AGAP1: variants seen among roughly 807,000 people sequenced by gnomAD.
AGAP1 encodes the protein arf-GAP with GTPase, ANK repeat and PH domain-containing protein 1.
AGAP1 carries 29 observed loss-of-function variants against 105.3 expected under a neutral mutation model. The observed-to-expected ratio is 0.28, with a 90% CI of 0.21 to 0.38. The LOEUF (loss-of-function observed/expected upper bound fraction) is 0.38. Ranked by LOEUF, AGAP1 falls within the 10% of genes least tolerant of loss-of-function variation. The pLI, the probability that AGAP1 is intolerant of heterozygous loss-of-function variation, is 1.00. For missense variants in AGAP1, 998 were observed against 1,165.1 expected (o/e 0.86, Z 2.09); for synonymous variants, 509 against 485.9 (o/e 1.05, Z -0.63).
intron 5 of AGAP1, among the ~76,000 whole-genome samples, chr2:235,745,645 T>C (rs1370773619): frequency 6.6e-6 from 1 of 152,260 alleles, no homozygotes; most frequent in Non-Finnish European, 1.5e-5. Context: ...AATAGACTGT[T>C]TTGCGAATTC....
chr2:235,984,282 A>T (rs2055212099), intron 13 of AGAP1, among the ~76,000 whole-genome samples: 1 of 152,092 alleles, frequency 6.6e-6, no homozygotes, highest in Non-Finnish European at 1.5e-5. Flanking sequence ...GATTTACAAC[A>T]TTTTGTTTGT....
chr2:235,538,629 C>T (rs908102034), intron 1 of AGAP1, among the ~76,000 whole-genome samples: 1 of 152,208 alleles, frequency 6.6e-6, no homozygotes, highest in African/African-American at 2.4e-5. Flanking sequence ...GTCTCCGCCA[C>T]GGAGACTGCT....
intron 11 of AGAP1, among the ~76,000 whole-genome samples, chr2:235,928,990 G>A (rs1368408279): frequency 6.6e-6 from 1 of 152,222 alleles, no homozygotes. Context: ...AAATGACGCT[G>A]TGTGTTTCTA....
At chr2:235,834,898 C>T (rs1005368975) in intron 9 of AGAP1, among the ~76,000 whole-genome samples, 2 of 152,184 alleles carry the variant, frequency 1.3e-5, no homozygotes, top group African/African-American at 4.8e-5. Context: ...TTAATCACGC[C>T]ACGCAGGTGG....
intron 3 of AGAP1, among the ~76,000 whole-genome samples, chr2:235,738,789 C>T (rs990093087): frequency 6.6e-6 from 1 of 152,070 alleles, no homozygotes; most frequent in African/African-American, 2.4e-5. Context: ...AACTCCTGAC[C>T]TCAGGTGATC....
chr2:236,008,077 C>G (rs1462253640), intron 13 of AGAP1, among the ~76,000 whole-genome samples: 1 of 152,222 alleles, frequency 6.6e-6, no homozygotes, highest in Non-Finnish European at 1.5e-5. Flanking sequence ...TTTGGATTGC[C>G]AAGTATTCAG....
chr2:236,088,917 G>A (rs576539476), intron 16 of AGAP1, among the ~76,000 whole-genome samples: 3 of 152,258 alleles, frequency 2.0e-5, no homozygotes, highest in Admixed American at 1.3e-4. Context: ...CAGGGCATTC[G>A]ATCATGATGG....
intron 16 of AGAP1, among the ~76,000 whole-genome samples, chr2:236,067,073 T>C (rs1038893694): frequency 1.3e-5 from 2 of 151,898 alleles, no homozygotes; most frequent in African/African-American, 4.8e-5. Context: ...GTAAGTCAGA[T>C]GTACTCTGTG....
intron 1 of AGAP1, among the ~76,000 whole-genome samples, chr2:235,667,065 T>C (rs1351576434): frequency 2.0e-5 from 3 of 152,170 alleles, no homozygotes; most frequent in African/African-American, 7.2e-5. Flanking sequence ...TGATAAAATT[T>C]TAGACTTTTG....
intron 1 of AGAP1, among the ~76,000 whole-genome samples, chr2:235,641,911 T>C (rs570467099): frequency 6.6e-6 from 1 of 152,356 alleles, no homozygotes; most frequent in East Asian, 1.9e-4. Flanking sequence ...CCTTCACAGT[T>C]ATCATTTGAA....
Position 236,119,193 on chromosome 2 carries a change from A to G in AGAP1, c.2115-999A>G, listed in dbSNP as rs3768920. 0.38 allele frequency among the ~76,000 whole-genome samples: 58,004 copies of G among 151,036 alleles called. 11,540 individuals carry two copies. The highest frequency in any genetic ancestry group is 0.53 in the Middle Eastern group (155 of 294). ...GGGCGGGCAGGCATCAGCATCATCC[A>G]CTCTCCACACCTCCGACCCCATCCA... On this transcript the variant is annotated intron_variant, in intron 16 of 17. Coordinates refer to ENST00000304032, the MANE Select transcript of AGAP1 (RefSeq NM_001037131.3). The surrounding 1 kb of genome is among the most constrained non-coding windows in gnomAD (Gnocchi z 6.6).
rs1412345663 is a variant in AGAP1, at chr2:236,051,103, C to T, written c.2114+1822C>T. Among the ~76,000 whole-genome samples, 1 of 152,190 alleles carries T rather than the reference C, an allele frequency of 6.6e-6. No individual in the cohort carries two copies. The highest frequency in any genetic ancestry group is 1.9e-4 in the East Asian group (1 of 5,206). ...CTTTTCTTTAGTCACACTGGCTTTC[C>T]TAAAGAGCAGGCCGAGTTGTAATTC... On this transcript the variant is annotated intron_variant, in intron 16 of 17. Transcript: ENST00000304032. This position sits in a 1 kb window ranked among gnomAD's most constrained non-coding sequence, Gnocchi z 5.9.
intron 16 of AGAP1, among the ~76,000 whole-genome samples, chr2:236,072,037 A>G (rs2058509499): frequency 6.6e-6 from 1 of 152,206 alleles, no homozygotes; most frequent in Admixed American, 6.5e-5. Flanking sequence ...TTTTTTTAAA[A>G]AAACTCACAT....
At chr2:236,030,336 C>G (rs2057187407) in intron 13 of AGAP1, among the ~76,000 whole-genome samples, 1 of 152,170 alleles carries the variant, frequency 6.6e-6, no homozygotes, top group Non-Finnish European at 1.5e-5. Context: ...TACTTTGGAT[C>G]TAAATCTGCT....
At chr2:235,670,705 G>C (rs1481456066) in intron 1 of AGAP1, 1 of 756,648 alleles carries the variant, frequency 1.3e-6, no homozygotes, top group Admixed American at 2.1e-5. Context: ...CCGCCACGCA[G>C]CCCGCCTCGG....
At chr2:235,698,656 G>T (rs534151586) in intron 1 of AGAP1, among the ~76,000 whole-genome samples, 10 of 152,270 alleles carry the variant, frequency 6.6e-5, no homozygotes, top group African/African-American at 2.4e-4. Context: ...AGGTGACAAT[G>T]TTCTACCGCT....
chr2:235,704,977 T>TC (rs1950461131), intron 1 of AGAP1, among the ~76,000 whole-genome samples: 2 of 126,232 alleles, frequency 1.6e-5, no homozygotes, highest in South Asian at 3.1e-4. Context: ...TTCTTTTTTT[T>TC]TTTTTTTTTT....
At chr2:235,643,425 G>A (rs1947263014) in intron 1 of AGAP1, among the ~76,000 whole-genome samples, 1 of 93,026 alleles carries the variant, frequency 1.1e-5, no homozygotes, top group East Asian at 2.6e-4. Context: ...GAGAGAGACT[G>A]GGTCTCAAAA....
At chr2:235,756,926 T>C (rs112983707) in intron 6 of AGAP1, among the ~76,000 whole-genome samples, 354 of 149,000 alleles carry the variant, frequency 2.4e-3, no homozygotes, top group Non-Finnish European at 3.0e-3. Flanking sequence ...CAGTCCTTGG[T>C]GCCAAAAAGG....
Sources: gnomAD v4.1 joint callset for allele counts (sites outside exome capture counted in the v4.1 genomes callset) on GRCh38, gnomAD v4.1.1 for gene constraint, Gnocchi (gnomAD v3.1) non-coding constraint, MANE v1.5 for transcripts, NCBI Gene and HGNC (gene_info 2026-07-23, HGNC 2026-07-21) for gene names.